The following CAMKMT variants were observed in gnomAD, a reference collection of about 807,000 sequenced individuals.
CAMKMT encodes the protein calmodulin-lysine N-methyltransferase, also known as CaM KMT.
Under a neutral mutation model 48.0 loss-of-function variants are expected in CAMKMT, and 53 were observed. The ratio of observed to expected loss-of-function variants is 1.10; its 90% CI spans 0.89 to 1.39. CAMKMT has a LOEUF of 1.39. Among genes scored for constraint, CAMKMT ranks in the 40% most tolerant of loss-of-function variants. The probability of loss-of-function intolerance (pLI) is 0.00; values close to 1 mark genes in which losing one functional copy is unlikely to be tolerated. For missense variants in CAMKMT, 428 were observed against 402.7 expected (o/e 1.06, Z -0.54); for synonymous variants, 165 against 152.3 (o/e 1.08, Z -0.61).
intron 3 of CAMKMT, among the ~76,000 whole-genome samples, chr2:44,585,921 G>A (rs74936016): frequency 0.012 from 1,862 of 152,274 alleles, 37 homozygotes; most frequent in African/African-American, 0.04. Context: ...CCCAAAGGTC[G>A]TTACTCTGCA....
intron 3 of CAMKMT, among the ~76,000 whole-genome samples, chr2:44,436,546 G>GT (rs1666267926): frequency 6.6e-6 from 1 of 151,590 alleles, no homozygotes; most frequent in African/African-American, 2.4e-5. Context: ...ACCACACAGG[G>GT]TTTTTGTCAA....
In CAMKMT at chr2:44,739,970, T is replaced by C. The variant is rs549377832; in HGVS notation, c.624-3652T>C. 6.6e-5 allele frequency among the ~76,000 whole-genome samples: 10 copies of C among 152,092 alleles called. 1 individual carries two copies. The highest frequency in any genetic ancestry group is 2.4e-4 in the African/African-American group (10 of 41,490). On this transcript the variant is annotated intron_variant, in intron 7 of 10. Transcript: ENST00000378494. Reference sequence around the variant, plus strand: ...CCTAGAATAGATCAAAGGGGATGGATCTAGGTGGCATAAGAGAAGGTACTG... The same window carrying C: ...CCTAGAATAGATCAAAGGGGATGGACCTAGGTGGCATAAGAGAAGGTACTG...
chr2:44,578,113 G>A (rs1669337515), intron 3 of CAMKMT, among the ~76,000 whole-genome samples: 1 of 152,066 alleles, frequency 6.6e-6, no homozygotes, highest in African/African-American at 2.4e-5. Flanking sequence ...CCAGCTGAAG[G>A]GCCCACATGA....
chr2:44,400,250 A>G (rs1186398224), intron 3 of CAMKMT, among the ~76,000 whole-genome samples: 1 of 152,180 alleles, frequency 6.6e-6, no homozygotes, highest in Non-Finnish European at 1.5e-5. Flanking sequence ...GAACACATAC[A>G]TTTTTTATTT....
At chr2:44,457,020 A>G (rs1667598801) in intron 3 of CAMKMT, 1 of 156,796 alleles carries the variant, frequency 6.4e-6, no homozygotes, top group Non-Finnish European at 1.4e-5. Context: ...ATAGTTGAAT[A>G]TGATTTATTT....
At chr2:44,486,935 A>T (rs1194155665) in intron 3 of CAMKMT, among the ~76,000 whole-genome samples, 2 of 152,238 alleles carry the variant, frequency 1.3e-5, no homozygotes. Context: ...TTTGTAAGTC[A>T]GTCGTTCATA....
intron 3 of CAMKMT, among the ~76,000 whole-genome samples, chr2:44,401,414 A>G (rs978516249): frequency 2.6e-5 from 4 of 152,162 alleles, no homozygotes; most frequent in Middle Eastern, 3.4e-3. Flanking sequence ...AAAATTAGCC[A>G]GGCATGGTGG....
At chr2:44,699,383 T>C (rs1205206369) in intron 3 of CAMKMT, among the ~76,000 whole-genome samples, 5 of 152,232 alleles carry the variant, frequency 3.3e-5, no homozygotes, top group South Asian at 4.1e-4. Context: ...TTAATCTCCT[T>C]GCATATCTCC....
At chr2:44,635,213 T>C (rs1266290773) in intron 3 of CAMKMT, among the ~76,000 whole-genome samples, 2 of 152,122 alleles carry the variant, frequency 1.3e-5, no homozygotes, top group Non-Finnish European at 2.9e-5. Flanking sequence ...GAGCATAAGG[T>C]GTCTAGATAA....
chr2:44,549,543 T>A (rs1167466970), intron 3 of CAMKMT: 1 of 694,492 alleles, frequency 1.4e-6, no homozygotes, highest in Non-Finnish European at 2.6e-6. Flanking sequence ...ATTTTTTTTC[T>A]TTTTTTCTTA....
chr2:44,415,710 T>C (rs1683504847), intron 3 of CAMKMT, among the ~76,000 whole-genome samples: 1 of 152,184 alleles, frequency 6.6e-6, no homozygotes, highest in Non-Finnish European at 1.5e-5. Flanking sequence ...ATGAAAACAA[T>C]GATTCCACAT....
At chr2:44,476,789 A>G (rs958247673) in intron 3 of CAMKMT, among the ~76,000 whole-genome samples, 2 of 152,192 alleles carry the variant, frequency 1.3e-5, no homozygotes, top group Non-Finnish European at 2.9e-5. Context: ...GGTCTTAGGC[A>G]AGCCATGTAA....
intron 3 of CAMKMT, among the ~76,000 whole-genome samples, chr2:44,515,721 T>C (rs1266191269): frequency 6.6e-6 from 1 of 152,242 alleles, no homozygotes; most frequent in Non-Finnish European, 1.5e-5. Flanking sequence ...AGTAGACAGC[T>C]GGGAGGAACT....
chr2:44,732,623 C>T (rs904804220), intron 7 of CAMKMT, among the ~76,000 whole-genome samples: 2 of 152,202 alleles, frequency 1.3e-5, no homozygotes, highest in African/African-American at 4.8e-5. Flanking sequence ...GCACATGTCA[C>T]CATGCCCAGC....
At chr2:44,394,647 C>T (rs1448808877) in intron 3 of CAMKMT, among the ~76,000 whole-genome samples, 7 of 152,096 alleles carry the variant, frequency 4.6e-5, no homozygotes, top group South Asian at 4.2e-4. Flanking sequence ...AGGCTGGTCT[C>T]GAACTGCTGA....
chr2:44,595,950 T>A (rs1268709276), intron 3 of CAMKMT, among the ~76,000 whole-genome samples: 1 of 104,556 alleles, frequency 9.6e-6, no homozygotes, highest in African/African-American at 3.8e-5. Flanking sequence ...CACATGAACA[T>A]GGGGCTGGGG....
In CAMKMT at chr2:44,766,661, C is replaced by T. The variant is rs1475271938; in HGVS notation, c.894+100C>T. The T allele has an allele frequency of 2.3e-6, 3 of 1,290,584 alleles. No individual in the cohort carries two copies. In the East Asian group the frequency reaches 7.0e-5, roughly 30 times the overall value. The allele number at this position is 1,290,584 out of a possible 1,614,324, so 79.9% of individuals were successfully genotyped here. On this transcript the variant is annotated intron_variant, in intron 10 of 10. Coordinates refer to ENST00000378494, the MANE Select transcript of CAMKMT (RefSeq NM_024766.5). ...GTAACCTAAATATTTGATTAAAGTACTCCTTAGATGTGTTGCTTCTGAACA... is the reference window on the plus strand; with the variant it reads ...GTAACCTAAATATTTGATTAAAGTATTCCTTAGATGTGTTGCTTCTGAACA...
intron 3 of CAMKMT, among the ~76,000 whole-genome samples, chr2:44,445,714 T>C (rs1360180379): frequency 7.3e-6 from 1 of 136,092 alleles, no homozygotes; most frequent in East Asian, 2.5e-4. Flanking sequence ...CTTTTGGTCT[T>C]CCTCTCCCCA....
chr2:44,558,887 A>C (rs2103683947), intron 3 of CAMKMT, among the ~76,000 whole-genome samples: 1 of 152,188 alleles, frequency 6.6e-6, no homozygotes, highest in East Asian at 1.9e-4. Flanking sequence ...GTGACACTTG[A>C]ATTACTCATG....
Sources: allele counts gnomAD v4.1 joint callset (sites outside exome capture counted in the v4.1 genomes callset), GRCh38; gene constraint gnomAD v4.1.1; transcripts MANE v1.5; gene names NCBI Gene and HGNC (gene_info 2026-07-23, HGNC 2026-07-21).